The following SLC1A1 variants were observed in gnomAD, a reference collection of about 807,000 sequenced individuals.
SLC1A1 encodes the protein excitatory amino acid transporter 3.
A neutral mutation model predicts 53.3 loss-of-function variants in SLC1A1; 43 were observed. The ratio of observed to expected loss-of-function variants is 0.81; its 90% confidence interval spans 0.63 to 1.04. SLC1A1 has a LOEUF of 1.04. Among genes scored for constraint, SLC1A1 ranks in the 50% least tolerant of loss-of-function variants. The pLI is 0.00. For missense variants in SLC1A1, 748 were observed against 664.9 expected (o/e 1.12, Z -1.37); for synonymous variants, 307 against 243.2 (o/e 1.26, Z -2.44).
chr9:4,501,111 G>C (rs1440246942), intron 1 of SLC1A1, among the ~76,000 whole-genome samples: 1 of 148,212 alleles, frequency 6.7e-6, no homozygotes, highest in Non-Finnish European at 1.5e-5. Flanking sequence ...GTCCAACACA[G>C]GACAATTGTC....
intron 2 of SLC1A1, among the ~76,000 whole-genome samples, chr9:4,546,710 T>C (rs1394539969): frequency 6.6e-6 from 1 of 152,226 alleles, no homozygotes; most frequent in African/African-American, 2.4e-5. Context: ...TTGCCCAGGC[T>C]GGTCTTGAAT....
At chr9:4,496,304 C>T (rs1223679134) in intron 1 of SLC1A1, among the ~76,000 whole-genome samples, 1 of 152,014 alleles carries the variant, frequency 6.6e-6, no homozygotes, top group Non-Finnish European at 1.5e-5. Flanking sequence ...AGGGATGTGA[C>T]CTTCTGGGCT....
At chr9:4,546,904 C>A (rs1364422648) in intron 2 of SLC1A1, among the ~76,000 whole-genome samples, 1 of 152,206 alleles carries the variant, frequency 6.6e-6, no homozygotes. Flanking sequence ...ATTTTGCACG[C>A]AATTGCACAA....
intron 10 of SLC1A1, among the ~76,000 whole-genome samples, chr9:4,580,500 G>C (rs1294446481): frequency 6.6e-6 from 1 of 151,480 alleles, no homozygotes; most frequent in Non-Finnish European, 1.5e-5. Flanking sequence ...AAGATCGCTT[G>C]AGCCCAATAG....
intron 2 of SLC1A1, among the ~76,000 whole-genome samples, chr9:4,552,568 C>T (rs955583010): frequency 2.6e-5 from 4 of 151,996 alleles, no homozygotes; most frequent in East Asian, 1.9e-4. Flanking sequence ...AGCCTGCAGG[C>T]GAGGGAAGCA....
At position 4,576,077 on chromosome 9, in the gene SLC1A1, A is replaced by G; in HGVS notation, c.952A>G (p.Met318Val). 1 of 1,613,894 alleles carries G rather than the reference A, an allele frequency of 6.2e-7. No individual in the cohort carries two copies. Among genetic ancestry groups the G allele is most frequent in the Non-Finnish European group, 8.5e-7 (1 of 1,179,746 alleles). ...VVRKNPFRFAMGMAQALLTAL... is the reference protein window; with the variant it reads ...VVRKNPFRFAVGMAQALLTAL... ...ACGAAAGAACCCTTTCCGATTTGCC[A>G]TGGGAATGGCCCAGGCTCTCCTGAC... is the stretch of plus-strand genomic sequence containing the variant. The change falls in exon 9 of 12, where the codon ATG (methionine) becomes GTG (valine). Residue 318 changes from methionine (M) to valine (V), a missense_variant. Coordinates refer to ENST00000262352, the MANE Select transcript of SLC1A1 (RefSeq NM_004170.6).
At chr9:4,516,076 C>T (rs916586447) in intron 1 of SLC1A1, among the ~76,000 whole-genome samples, 1 of 152,202 alleles carries the variant, frequency 6.6e-6, no homozygotes, top group Non-Finnish European at 1.5e-5. Context: ...CACACTGGTA[C>T]AGGAGCTTTC....
At chr9:4,498,953 CATAT>C (rs1217161598) in intron 1 of SLC1A1, among the ~76,000 whole-genome samples, 2 of 140,780 alleles carry the variant, frequency 1.4e-5, no homozygotes, top group African/African-American at 2.6e-5. Context: ...ATAATATATA[CATAT>C]ATATTATATA....
At chr9:4,539,708 A>G (rs1816842497) in intron 1 of SLC1A1, among the ~76,000 whole-genome samples, 1 of 152,066 alleles carries the variant, frequency 6.6e-6, no homozygotes, top group African/African-American at 2.4e-5. Context: ...AGTAGCTGGG[A>G]CTACAGGTAC....
chr9:4,506,258 A>G (rs1188755021), intron 1 of SLC1A1, among the ~76,000 whole-genome samples: 1 of 152,220 alleles, frequency 6.6e-6, no homozygotes, highest in Non-Finnish European at 1.5e-5. Flanking sequence ...TGCCCGGCCA[A>G]ATTACTATGA....
rs1818437786 is a variant in SLC1A1 at position 4,556,788 on chromosome 9, G to T, written c.233-4661G>T. 6.6e-6 allele frequency among the ~76,000 whole-genome samples: 1 copy of T among 152,004 alleles called. No homozygotes were observed. The highest frequency in any genetic ancestry group is 2.4e-5 in the African/African-American group (1 of 41,360). On this transcript the variant is annotated intron_variant, in intron 2 of 11. Coordinates refer to ENST00000262352, the MANE Select transcript of SLC1A1 (RefSeq NM_004170.6). This position sits in a 1 kb window ranked among gnomAD's most constrained non-coding sequence, Gnocchi z 4.1. ...TTTTATTTGGTGGTGGTGAGTTGGG[G>T]GAGAAAATCTTACTCTTTTTATGTA... is the stretch of plus-strand genomic sequence containing the variant.
rs1820192820 is a variant in SLC1A1, at chr9:4,490,563, C to T, written c.-117C>T. ...TGACGGCGGCGACTGCAGCGGCCGG[C>T]TCTCACCTCTCCCCTGTGCACCCGC... On this transcript the variant is annotated 5_prime_UTR_variant, in exon 1 of 12. Coordinates refer to ENST00000262352, the MANE Select transcript of SLC1A1 (RefSeq NM_004170.6). 3 of 754,228 alleles carry T rather than the reference C, an allele frequency of 4.0e-6. No homozygotes were observed. The highest frequency in any genetic ancestry group is 6.6e-6 in the Non-Finnish European group (3 of 454,634). 46.7% of individuals were successfully genotyped at this position (754,228 alleles called of 1,614,324 possible).
At chr9:4,520,656 A>G (rs1205672871) in intron 1 of SLC1A1, among the ~76,000 whole-genome samples, 5 of 152,206 alleles carry the variant, frequency 3.3e-5, no homozygotes, top group Non-Finnish European at 7.3e-5. Context: ...TATTTTGTTT[A>G]TCCAATAATA....
At chr9:4,528,794 T>TTCTC (rs1466745194) in intron 1 of SLC1A1, among the ~76,000 whole-genome samples, 1 of 150,184 alleles carries the variant, frequency 6.7e-6, no homozygotes, top group East Asian at 1.9e-4. Context: ...ACTCTTACCT[T>TTCTC]TCTTTGTGAC....
At chr9:4,498,094 A>G (rs1246982115) in intron 1 of SLC1A1, among the ~76,000 whole-genome samples, 2 of 152,230 alleles carry the variant, frequency 1.3e-5, no homozygotes, top group Non-Finnish European at 2.9e-5. Flanking sequence ...GAGTCCTTCT[A>G]GCTTTAAGAA....
intron 1 of SLC1A1, among the ~76,000 whole-genome samples, chr9:4,518,831 G>A (rs1815957895): frequency 6.6e-6 from 1 of 152,234 alleles, no homozygotes; most frequent in Non-Finnish European, 1.5e-5. Flanking sequence ...CTCACTTTGT[G>A]ATTTATTGCA....
chr9:4,580,893 T>C (rs181729721), intron 10 of SLC1A1, among the ~76,000 whole-genome samples: 2 of 152,180 alleles, frequency 1.3e-5, no homozygotes, highest in Admixed American at 1.3e-4. Context: ...TTAATCTTTT[T>C]GTTTGTTTTT....
intron 2 of SLC1A1, among the ~76,000 whole-genome samples, chr9:4,545,278 A>C (rs1232391206): frequency 1.3e-5 from 2 of 149,244 alleles, no homozygotes; most frequent in Non-Finnish European, 3.0e-5. Flanking sequence ...TACTGTTCTC[A>C]ACATGGCATT....
At chr9:4,557,740 G>A (rs921888948) in intron 2 of SLC1A1, among the ~76,000 whole-genome samples, 1 of 152,230 alleles carries the variant, frequency 6.6e-6, no homozygotes, top group Non-Finnish European at 1.5e-5. Flanking sequence ...GCAGGGGACA[G>A]CACAAAAACA....
Sources: allele counts gnomAD v4.1 joint callset (sites outside exome capture counted in the v4.1 genomes callset), GRCh38; gene constraint gnomAD v4.1.1; non-coding constraint Gnocchi (gnomAD v3.1); transcripts MANE v1.5; gene names NCBI Gene and HGNC (gene_info 2026-07-23, HGNC 2026-07-21).